The following AUTS2 variants were observed in gnomAD, a reference collection of about 807,000 sequenced individuals.
The protein encoded by AUTS2 is autism susceptibility gene 2 protein.
A neutral mutation model predicts 112.4 loss-of-function variants in AUTS2; 17 were observed. That is an observed-to-expected ratio of 0.15 (90% CI 0.10 to 0.23). The LOEUF is 0.23. Among genes scored for constraint, AUTS2 ranks in the 10% least tolerant of loss-of-function variants. AUTS2 has a pLI of 1.00. For synonymous variants in AUTS2, 751 were observed against 702.7 expected (o/e 1.07, Z -1.09); for missense variants, 1,510 against 1,701.6 (o/e 0.89, Z 1.98).
chr7:70,783,212 A>G (rs1221019977), intron 15 of AUTS2: 2 of 152,238 alleles, frequency 1.3e-5, no homozygotes, highest in African/African-American at 2.4e-5. Flanking sequence ...TTTAGCTGAC[A>G]ACACTGCTAA....
chr7:70,180,846 C>T (rs965980089), intron 4 of AUTS2, among the ~76,000 whole-genome samples: 5 of 151,928 alleles, frequency 3.3e-5, no homozygotes, highest in Admixed American at 6.6e-5. Context: ...GGCTAGGCTC[C>T]GAAGATTCCT....
chr7:69,662,779 G>C (rs577089659), intron 1 of AUTS2, among the ~76,000 whole-genome samples: 6 of 152,146 alleles, frequency 3.9e-5, no homozygotes, highest in Non-Finnish European at 7.3e-5. Context: ...TTTTCAAAAT[G>C]AGGAGGATTG....
At chr7:70,615,002 C>T (rs1209160027) in intron 5 of AUTS2, among the ~76,000 whole-genome samples, 2 of 152,226 alleles carry the variant, frequency 1.3e-5, no homozygotes, top group African/African-American at 4.8e-5. Flanking sequence ...CGGTGTGGCT[C>T]ATCTGCTTAG....
intron 2 of AUTS2, among the ~76,000 whole-genome samples, chr7:70,003,164 CA>C (rs1799279490): frequency 7.8e-6 from 1 of 128,102 alleles, no homozygotes; most frequent in Non-Finnish European, 1.6e-5. Context: ...TATATATATT[CA>C]TATATATTAT....
chr7:70,003,241 T>A (rs1799297590), intron 2 of AUTS2, among the ~76,000 whole-genome samples: 1 of 130,990 alleles, frequency 7.6e-6, no homozygotes, highest in South Asian at 2.2e-4. Flanking sequence ...TATATATGAA[T>A]ATATTATATA....
At chr7:70,663,724 G>C (rs1214485066) in intron 5 of AUTS2, among the ~76,000 whole-genome samples, 3 of 152,074 alleles carry the variant, frequency 2.0e-5, no homozygotes. Context: ...CGGAAATGGA[G>C]TCCTTCACCA....
intron 1 of AUTS2, among the ~76,000 whole-genome samples, chr7:69,876,382 A>G (rs1159552272): frequency 3.6e-5 from 4 of 109,910 alleles, no homozygotes; most frequent in Non-Finnish European, 7.3e-5. Context: ...ATATATATAT[A>G]TGTATATATA....
At chr7:70,248,198 A>G (rs1813027075) in intron 4 of AUTS2, among the ~76,000 whole-genome samples, 1 of 152,130 alleles carries the variant, frequency 6.6e-6, no homozygotes, top group Non-Finnish European at 1.5e-5. Context: ...CATCATTTTG[A>G]GGATTGGTAT....
At chr7:70,393,693 T>C (rs955110515) in intron 4 of AUTS2, among the ~76,000 whole-genome samples, 3 of 152,332 alleles carry the variant, frequency 2.0e-5, no homozygotes, top group East Asian at 3.9e-4. Flanking sequence ...TGCCAAAGCA[T>C]GCAGCTGATA....
intron 2 of AUTS2, among the ~76,000 whole-genome samples, chr7:70,004,375 C>CAT (rs1490927029): frequency 9.4e-6 from 1 of 106,810 alleles, no homozygotes; most frequent in Non-Finnish European, 1.8e-5. Flanking sequence ...AATATATATT[C>CAT]ATATATATAT....
intron 4 of AUTS2, among the ~76,000 whole-genome samples, chr7:70,220,909 A>G (rs1811444764): frequency 6.6e-6 from 1 of 152,090 alleles, no homozygotes; most frequent in Non-Finnish European, 1.5e-5. Flanking sequence ...CTATTTTGCT[A>G]TACTGTTTTA....
intron 2 of AUTS2, among the ~76,000 whole-genome samples, chr7:70,025,735 C>T (rs1482206922): frequency 6.7e-6 from 1 of 149,410 alleles, no homozygotes; most frequent in African/African-American, 2.5e-5. Context: ...GGATTACAGG[C>T]GTGAGCTGCC....
At chr7:69,838,939 T>C (rs754851309) in intron 1 of AUTS2, among the ~76,000 whole-genome samples, 1 of 152,174 alleles carries the variant, frequency 6.6e-6, no homozygotes, top group Non-Finnish European at 1.5e-5. Flanking sequence ...TCCAGATTGC[T>C]CTCTTTTGGG....
intron 7 of AUTS2, among the ~76,000 whole-genome samples, chr7:70,764,264 A>G (rs1475155355): frequency 1.3e-5 from 2 of 152,100 alleles, no homozygotes; most frequent in South Asian, 2.1e-4. Context: ...TCCAGACCAT[A>G]AAGTGATGTG....
At chr7:69,904,660 T>G (rs1395656104) in intron 2 of AUTS2, among the ~76,000 whole-genome samples, 1 of 152,210 alleles carries the variant, frequency 6.6e-6, no homozygotes, top group African/African-American at 2.4e-5. Context: ...ACTTCAAAAT[T>G]TCAAGTTTAC....
intron 4 of AUTS2, among the ~76,000 whole-genome samples, chr7:70,248,780 C>T (rs1813061308): frequency 6.6e-6 from 1 of 152,060 alleles, no homozygotes; most frequent in South Asian, 2.1e-4. Context: ...TCTAAAGTTA[C>T]TCAGGAGGAA....
chr7:69,636,487 C>CTT (rs1554337479), intron 1 of AUTS2, among the ~76,000 whole-genome samples: 1 of 85,382 alleles, frequency 1.2e-5, no homozygotes, highest in Non-Finnish European at 2.8e-5. Context: ...CGCGCCCCCC[C>CTT]CCCCCCTTGG....
intron 4 of AUTS2, among the ~76,000 whole-genome samples, chr7:70,387,789 C>G (rs1394215406): frequency 1.3e-5 from 2 of 152,160 alleles, no homozygotes; most frequent in Non-Finnish European, 2.9e-5. Flanking sequence ...AATGTCATTG[C>G]CCAGGTCCAG....
chr7:69,646,202 A>G (rs1251929980), intron 1 of AUTS2, among the ~76,000 whole-genome samples: 3 of 152,132 alleles, frequency 2.0e-5, no homozygotes, highest in Non-Finnish European at 2.9e-5. Flanking sequence ...CAATTACCCA[A>G]TTATAACACA....
Sources: gnomAD v4.1 joint callset for allele counts (sites outside exome capture counted in the v4.1 genomes callset) on GRCh38, gnomAD v4.1.1 for gene constraint, MANE v1.5 for transcripts, NCBI Gene and HGNC (gene_info 2026-07-23, HGNC 2026-07-21) for gene names.